The following WWP2 variants were observed in gnomAD, a reference collection of about 807,000 sequenced individuals.
WWP2 encodes WW domain containing E3 ubiquitin protein ligase 2.
WWP2 carries 57 observed loss-of-function variants against 121.0 expected under a neutral mutation model. The observed-to-expected ratio is 0.47, with a 90% CI of 0.38 to 0.59. The LOEUF (loss-of-function observed/expected upper bound fraction) is 0.59. Ranked by LOEUF, WWP2 falls within the 20% of genes least tolerant of loss-of-function variation. WWP2 has a pLI of 0.00. For synonymous variants in WWP2, 449 were observed against 441.3 expected, an observed-to-expected ratio of 1.02 and a Z score of -0.22; for missense variants, 962 against 1,158.9, an observed-to-expected ratio of 0.83 and a Z score of 2.47.
intron 6 of WWP2, among the ~76,000 whole-genome samples, chr16:69,868,142 G>A (rs1237508121): frequency 7.2e-5 from 11 of 152,224 alleles, no homozygotes; most frequent in Admixed American, 3.3e-4. Context: ...TTTAGGGCAA[G>A]GGGAGAATCT....
At chr16:69,917,918 G>T in intron 10 of WWP2, 35 bp downstream of exon 10, 2 of 1,587,724 alleles carry the variant, frequency 1.3e-6, no homozygotes, top group South Asian at 2.2e-5. Flanking sequence ...AGGTGGGGCC[G>T]CCTCCCTGCG....
intron 6 of WWP2, among the ~76,000 whole-genome samples, chr16:69,844,544 G>A (rs1162181204): frequency 6.6e-6 from 1 of 152,104 alleles, no homozygotes; most frequent in Non-Finnish European, 1.5e-5. Context: ...CCTATTTACT[G>A]GTCTCTGAAT....
Position 69,937,352 on chromosome 16 carries a change from G to T in WWP2, c.2238+114G>T. ...CAGCGTAAAACTCCCACTTCGGCAG[G>T]GCAGATGGGTTTGATTTGGGACCCA... is the stretch of plus-strand genomic sequence containing the variant. On this transcript the variant is annotated intron_variant, in intron 20 of 23. Transcript: ENST00000359154. This position sits in a 1 kb window ranked among gnomAD's most constrained non-coding sequence, Gnocchi z 6.6. 2 of 1,521,180 alleles carry T rather than the reference G, an allele frequency of 1.3e-6. No individual in the cohort carries two copies. The highest frequency in any genetic ancestry group is 8.8e-7 in the Non-Finnish European group (1 of 1,131,586). 94.2% of individuals were successfully genotyped at this position (1,521,180 alleles called of 1,614,324 possible).
At chr16:69,933,705 A>G (rs544663115) in intron 16 of WWP2, among the ~76,000 whole-genome samples, 1 of 152,298 alleles carries the variant, frequency 6.6e-6, no homozygotes, top group South Asian at 2.1e-4. Context: ...CTTGGAACAC[A>G]TCACCTGGGA....
At chr16:69,927,116 C>A (rs1228257864) in intron 11 of WWP2, among the ~76,000 whole-genome samples, 1 of 152,146 alleles carries the variant, frequency 6.6e-6, no homozygotes, top group Non-Finnish European at 1.5e-5. Context: ...AGAAAAAAAC[C>A]CACAAAACTG....
At chr16:69,762,538 G>C (rs1371190492) in intron 1 of WWP2, 147 bp downstream of exon 1, 2 of 151,014 alleles carry the variant, frequency 1.3e-5, no homozygotes, top group East Asian at 3.9e-4. Context: ...CTGGCGCGGC[G>C]GTTCCGGCCT....
chr16:69,882,991 A>G (rs2057857758), intron 7 of WWP2, among the ~76,000 whole-genome samples: 1 of 152,006 alleles, frequency 6.6e-6, no homozygotes, highest in Non-Finnish European at 1.5e-5. Flanking sequence ...CATTTCTACT[A>G]AAAATACAAA....
At chr16:69,924,362 A>G (rs983052135) in intron 10 of WWP2, among the ~76,000 whole-genome samples, 1 of 152,242 alleles carries the variant, frequency 6.6e-6, no homozygotes, top group Non-Finnish European at 1.5e-5. Context: ...AGCAGCCTGA[A>G]GTCCGCATTT....
intron 4 of WWP2, among the ~76,000 whole-genome samples, chr16:69,832,042 G>A (rs938292175): frequency 2.0e-5 from 3 of 152,016 alleles, no homozygotes; most frequent in East Asian, 1.9e-4. Context: ...TTGCCCAGGC[G>A]GGTCTCGAAC....
intron 10 of WWP2, among the ~76,000 whole-genome samples, chr16:69,921,876 C>A (rs1182824446): frequency 1.3e-5 from 2 of 152,004 alleles, no homozygotes; most frequent in African/African-American, 4.8e-5. Context: ...GAGTTCAAGA[C>A]CATCCTGGCC....
Position 69,862,048 on chromosome 16 carries a change from A to G in WWP2, c.576-9756A>G, listed in dbSNP as rs180838119. Reference sequence around the variant, plus strand: ...GTGCCTGTTTTATAGGAGGAAAATCAATAATCAGGTTGTTTTGTTTTGTTT... The same window carrying G: ...GTGCCTGTTTTATAGGAGGAAAATCGATAATCAGGTTGTTTTGTTTTGTTT... On this transcript the variant is annotated intron_variant, in intron 6 of 23. Transcript: ENST00000359154. 9.9e-5 allele frequency among the ~76,000 whole-genome samples: 15 copies of G among 152,134 alleles called. No homozygotes were observed. In the East Asian group the frequency reaches 1.4e-3, roughly 14 times the overall value.
At position 69,936,630 on chromosome 16, in the gene WWP2, C is replaced by T. The variant is rs573648635; in HGVS notation, c.2117+178C>T. 4.4e-5 allele frequency: 36 copies of T among 816,684 alleles called. No individual in the cohort carries two copies. In the East Asian group the frequency reaches 5.5e-4, roughly 12 times the overall value. The allele number at this position is 816,684 out of a possible 1,614,324, so 50.6% of individuals were successfully genotyped here. On this transcript the variant is annotated intron_variant, in intron 19 of 23. Coordinates refer to ENST00000359154, the MANE Select transcript of WWP2 (RefSeq NM_001270454.2). ...TGGCGCGAGCTGGGGGAACCAAAGC[C>T]GAGGTCCTTAGTTACCGACTCCCAG...
chr16:69,827,976 A>C (rs962822820), intron 4 of WWP2: 8 of 448,304 alleles, frequency 1.8e-5, no homozygotes, highest in Non-Finnish European at 2.7e-5. Context: ...TTTTAAGAGG[A>C]TCCACAGCTG....
chr16:69,773,133 C>A (rs752421129), intron 1 of WWP2, among the ~76,000 whole-genome samples: 1 of 151,816 alleles, frequency 6.6e-6, no homozygotes, highest in Non-Finnish European at 1.5e-5. Context: ...TAGCAACAGT[C>A]CTGACGGGGA....
At chr16:69,867,841 C>A (rs950250667) in intron 6 of WWP2, among the ~76,000 whole-genome samples, 1 of 152,222 alleles carries the variant, frequency 6.6e-6, no homozygotes, top group Non-Finnish European at 1.5e-5. Flanking sequence ...GTCCCCTCCC[C>A]CTAAATGGTG....
intron 6 of WWP2, among the ~76,000 whole-genome samples, chr16:69,852,516 C>T (rs1244206311): frequency 6.6e-6 from 1 of 152,106 alleles, no homozygotes; most frequent in Non-Finnish European, 1.5e-5. Context: ...TCAGGTGATC[C>T]GCCCACCTCG....
At chr16:69,910,491 C>A in intron 9 of WWP2, 2 of 417,634 alleles carry the variant, frequency 4.8e-6, no homozygotes, top group African/African-American at 4.4e-5. Flanking sequence ...CTCACTGCAA[C>A]CTCCACCTCC....
intron 6 of WWP2, among the ~76,000 whole-genome samples, chr16:69,845,096 G>A (rs1167135051): frequency 2.0e-5 from 3 of 152,130 alleles, no homozygotes; most frequent in Admixed American, 6.5e-5. Context: ...CTTGCTATAT[G>A]ATTTTGGATA....
chr16:69,825,816 A>C (rs60162697), intron 4 of WWP2, among the ~76,000 whole-genome samples: 1 of 152,104 alleles, frequency 6.6e-6, no homozygotes, highest in East Asian at 1.9e-4. Context: ...TTGTAGACAC[A>C]GGATCTCCCT....
Sources: gnomAD v4.1 joint callset for allele counts (sites outside exome capture counted in the v4.1 genomes callset) on GRCh38, gnomAD v4.1.1 for gene constraint, Gnocchi (gnomAD v3.1) non-coding constraint, MANE v1.5 for transcripts, NCBI Gene and HGNC (gene_info 2026-07-23, HGNC 2026-07-21) for gene names.